CCDC91: variants seen among roughly 807,000 people sequenced by gnomAD.
CCDC91 encodes the protein coiled-coil domain-containing protein 91.
In CCDC91, 48 loss-of-function variants were observed where a neutral mutation model predicts 63.2. That is an observed-to-expected ratio of 0.76 (90% CI 0.60 to 0.97). The LOEUF (loss-of-function observed/expected upper bound fraction) is 0.97, where lower values mean the gene tolerates loss of function less well. CCDC91 is among the 50% of genes least tolerant of loss of function. The probability of loss-of-function intolerance (pLI) is 0.00; values close to 1 mark genes in which losing one functional copy is unlikely to be tolerated. For missense variants in CCDC91, 500 were observed against 494.6 expected (o/e 1.01, Z -0.10); for synonymous variants, 167 against 165.8 (o/e 1.01, Z -0.06).
At chr12:28,393,089 G>GT (rs1040917249) in intron 8 of CCDC91, among the ~76,000 whole-genome samples, 58 of 152,096 alleles carry the variant, frequency 3.8e-4, no homozygotes, top group Admixed American at 1.4e-3. Context: ...TCTTTTCAGA[G>GT]TTTTTTTTGA....
chr12:28,532,270 A>C (rs972490552), intron 12 of CCDC91, among the ~76,000 whole-genome samples: 10 of 152,152 alleles, frequency 6.6e-5, no homozygotes, highest in African/African-American at 1.9e-4. Flanking sequence ...GGAGGGGTGA[A>C]TATCCCTATC....
chr12:28,359,624 A>G (rs1392018231), intron 6 of CCDC91, among the ~76,000 whole-genome samples: 1 of 152,158 alleles, frequency 6.6e-6, no homozygotes, highest in South Asian at 2.1e-4. Flanking sequence ...TTGTTTGACT[A>G]TGGTAGCCTA....
intron 3 of CCDC91, 30 bp downstream of exon 3, chr12:28,259,472 T>G (rs1946677709): frequency 7.0e-7 from 1 of 1,436,776 alleles, no homozygotes. Flanking sequence ...AGGGTTTTTT[T>G]TTTTTTTTTT....
chr12:28,267,804 A>G (rs1387841256), intron 3 of CCDC91, among the ~76,000 whole-genome samples: 1 of 27,614 alleles, frequency 3.6e-5, no homozygotes, highest in Non-Finnish European at 7.7e-5. Context: ...ATAATTATAT[A>G]GTAATATATA....
intron 7 of CCDC91, among the ~76,000 whole-genome samples, chr12:28,380,637 G>A (rs1945242112): frequency 1.3e-5 from 2 of 152,010 alleles, no homozygotes; most frequent in Admixed American, 6.6e-5. Context: ...CTGTTCTGAT[G>A]CAGTTGAAAG....
At chr12:28,205,173 T>G (rs780206945) in intron 1 of CCDC91, among the ~76,000 whole-genome samples, 1 of 151,922 alleles carries the variant, frequency 6.6e-6, no homozygotes, top group East Asian at 1.9e-4. Context: ...TGCTCAATTA[T>G]AGAGAGAAAG....
intron 3 of CCDC91, among the ~76,000 whole-genome samples, chr12:28,277,528 A>G (rs1161488315): frequency 6.6e-6 from 1 of 152,082 alleles, no homozygotes; most frequent in Non-Finnish European, 1.5e-5. Flanking sequence ...CTGAAAGCAA[A>G]TGCTTATTAG....
At chr12:28,358,977 C>G (rs1355582605) in intron 6 of CCDC91, among the ~76,000 whole-genome samples, 1 of 152,114 alleles carries the variant, frequency 6.6e-6, no homozygotes, top group Non-Finnish European at 1.5e-5. Flanking sequence ...CTCACCGCAA[C>G]CTCCGCCTCC....
chr12:28,286,366 C>T (rs1311023724), intron 3 of CCDC91, among the ~76,000 whole-genome samples: 1 of 152,130 alleles, frequency 6.6e-6, no homozygotes, highest in African/African-American at 2.4e-5. Flanking sequence ...TCCCTCCTCC[C>T]ACCCTCCACC....
intron 6 of CCDC91, among the ~76,000 whole-genome samples, chr12:28,342,423 G>A (rs1942495682): frequency 6.6e-6 from 1 of 152,182 alleles, no homozygotes; most frequent in Non-Finnish European, 1.5e-5. Context: ...GTGGCCAGTT[G>A]TGGCATAGTG....
intron 1 of CCDC91, among the ~76,000 whole-genome samples, chr12:28,227,042 T>C (rs1312713607): frequency 2.0e-5 from 3 of 152,160 alleles, no homozygotes; most frequent in African/African-American, 7.2e-5. Context: ...AGGAAGAGCA[T>C]AGAGGTGAAG....
rs147375271 is a variant in CCDC91 at position 28,346,168 on chromosome 12, C to T, written c.577-16270C>T. The stretch of plus-strand genomic sequence containing the variant: ...GAGCTGTGAATCTCAAGTGTCCTGG[C>T]GCTATGCTGGTTATACATCCCAGGG... On this transcript the variant is annotated intron_variant, in intron 6 of 12. Coordinates refer to ENST00000536442, the MANE Select transcript of CCDC91 (RefSeq NM_018318.5). 2.2e-3 allele frequency among the ~76,000 whole-genome samples: 332 copies of T among 152,214 alleles called. 3 individuals carry two copies. Among genetic ancestry groups the T allele is most frequent in the African/African-American group, 7.5e-3 (312 of 41,538 alleles).
intron 1 of CCDC91, among the ~76,000 whole-genome samples, chr12:28,203,106 A>G (rs771324306): frequency 8.5e-5 from 13 of 152,076 alleles, no homozygotes; most frequent in Non-Finnish European, 1.0e-4. Flanking sequence ...AGGCTGCTGG[A>G]TTTTATTGTG....
intron 1 of CCDC91, among the ~76,000 whole-genome samples, chr12:28,225,539 C>T (rs547087739): frequency 1.3e-5 from 2 of 152,216 alleles, no homozygotes; most frequent in South Asian, 4.1e-4. Flanking sequence ...CAACCTCCGC[C>T]TCCTGGGTTC....
Position 28,549,378 on chromosome 12 carries a change from T to TTTA in CCDC91, c.*215_*217dup, listed in dbSNP as rs1365033190. ...GTTTCTTCTTTACATTTACTGTTATTTTATTATTATTAGTAGTAGCAGCAA... is the reference window on the plus strand; with the variant it reads ...GTTTCTTCTTTACATTTACTGTTATTTTATTATTATTATTAGTAGTAGCAGCAA... On this transcript the variant is annotated 3_prime_UTR_variant, in exon 13 of 13. Transcript: ENST00000536442. 2.5e-6 allele frequency: 1 copy of TTTA among 393,228 alleles called. No individual in the cohort carries two copies. The highest frequency in any genetic ancestry group is 4.7e-6 in the Non-Finnish European group (1 of 214,098). The allele number at this position is 393,228 out of a possible 1,614,324, so 24.4% of individuals were successfully genotyped here. A position where few individuals can be genotyped will look rare whatever the true frequency, so the allele number is the denominator to read the frequency against.
chr12:28,432,736 A>C (rs974421889), intron 8 of CCDC91, among the ~76,000 whole-genome samples: 1 of 152,148 alleles, frequency 6.6e-6, no homozygotes, highest in African/African-American at 2.4e-5. Flanking sequence ...GGTAAATACC[A>C]CAGAAGTGTG....
chr12:28,351,795 GCATCCTAGGCTT>G (rs1474402285), intron 6 of CCDC91, among the ~76,000 whole-genome samples: 2 of 150,936 alleles, frequency 1.3e-5, no homozygotes, highest in East Asian at 3.9e-4. Flanking sequence ...TATTTTTCCT[GCATCCTAGGCTT>G]CATCCTAGGC....
At chr12:28,428,725 A>C (rs1049434964) in intron 8 of CCDC91, among the ~76,000 whole-genome samples, 6 of 152,022 alleles carry the variant, frequency 3.9e-5, no homozygotes, top group Non-Finnish European at 4.4e-5. Flanking sequence ...ATATATCAAA[A>C]GAGTTTGATG....
chr12:28,225,855 A>G (rs962381057), intron 1 of CCDC91: 7 of 152,242 alleles, frequency 4.6e-5, no homozygotes, highest in Admixed American at 1.3e-4. Context: ...TTCCAGGATT[A>G]ATTCTGGTAA....
Sources: allele counts gnomAD v4.1 joint callset (sites outside exome capture counted in the v4.1 genomes callset), GRCh38; gene constraint gnomAD v4.1.1; transcripts MANE v1.5; gene names NCBI Gene and HGNC (gene_info 2026-07-23, HGNC 2026-07-21).